The following EXT1 variants were observed in gnomAD, a reference collection of about 807,000 sequenced individuals.
EXT1 encodes the protein exostosin-1.
A neutral mutation model predicts 82.5 loss-of-function variants in EXT1; 20 were observed. That is an observed-to-expected ratio of 0.24 (90% CI 0.17 to 0.35). The LOEUF (loss-of-function observed/expected upper bound fraction) is 0.35. EXT1 is among the 10% of genes least tolerant of loss of function. The pLI is 1.00. For missense variants in EXT1, 757 were observed against 936.5 expected, an observed-to-expected ratio of 0.81 and a Z score of 2.50; for synonymous variants, 348 against 350.8, an observed-to-expected ratio of 0.99 and a Z score of 0.09.
chr8:117,830,105 C>A, intron 4 of EXT1, 125 bp downstream of exon 4: 1 of 1,226,076 alleles, frequency 8.2e-7, no homozygotes, highest in Non-Finnish European at 1.2e-6. Context: ...ACCAATATAT[C>A]CAAGTACAGG....
chr8:117,988,645 C>T (rs1815371977), intron 1 of EXT1, among the ~76,000 whole-genome samples: 2 of 152,158 alleles, frequency 1.3e-5, no homozygotes, highest in Admixed American at 1.3e-4. Context: ...CAGCACCCTC[C>T]CAACCCCAAT....
At chr8:118,002,380 C>CTA (rs1168793897) in intron 1 of EXT1, among the ~76,000 whole-genome samples, 1 of 60,618 alleles carries the variant, frequency 1.6e-5, no homozygotes, top group African/African-American at 9.8e-5. Flanking sequence ...GACTCCGTCT[C>CTA]CAAAAAAAAA....
chr8:117,961,721 C>T (rs573874403), intron 1 of EXT1, among the ~76,000 whole-genome samples: 9 of 152,198 alleles, frequency 5.9e-5, no homozygotes, highest in African/African-American at 1.2e-4. Context: ...TGCACCCTAA[C>T]GATGGATCTT....
chr8:117,811,919 T>G (rs2129716986), intron 8 of EXT1, among the ~76,000 whole-genome samples: 1 of 152,304 alleles, frequency 6.6e-6, no homozygotes, highest in South Asian at 2.1e-4. Context: ...AGGCCACATC[T>G]GTGGAATTTC....
chr8:117,918,471 C>G (rs1340818358), intron 1 of EXT1, among the ~76,000 whole-genome samples: 1 of 152,226 alleles, frequency 6.6e-6, no homozygotes, highest in Non-Finnish European at 1.5e-5. Context: ...GCATTTGCTG[C>G]TTCTTCCTTC....
chr8:118,079,018 C>T (rs1264363928), intron 1 of EXT1, among the ~76,000 whole-genome samples: 1 of 152,150 alleles, frequency 6.6e-6, no homozygotes, highest in East Asian at 1.9e-4. Context: ...CCTGTTTTTG[C>T]TGTAAAAGTT....
At chr8:117,811,237 A>G (rs939383303) in intron 8 of EXT1, among the ~76,000 whole-genome samples, 2 of 152,220 alleles carry the variant, frequency 1.3e-5, no homozygotes, top group African/African-American at 4.8e-5. Flanking sequence ...CAGGACAAAG[A>G]AATCTCTCAA....
At chr8:117,891,895 C>T (rs917009798) in intron 1 of EXT1, among the ~76,000 whole-genome samples, 2 of 150,644 alleles carry the variant, frequency 1.3e-5, no homozygotes, top group Admixed American at 1.3e-4. Flanking sequence ...CTACCTCTGC[C>T]TCCCGGGTTC....
intron 4 of EXT1, among the ~76,000 whole-genome samples, chr8:117,826,077 A>T (rs148038750): frequency 0.01 from 1,590 of 152,266 alleles, 18 homozygotes; most frequent in Admixed American, 0.05. Flanking sequence ...GTTAGTTCTC[A>T]ATTTTCACAA....
At chr8:117,872,832 A>T (rs1468114898) in intron 1 of EXT1, among the ~76,000 whole-genome samples, 4 of 152,070 alleles carry the variant, frequency 2.6e-5, no homozygotes, top group East Asian at 1.9e-4. Flanking sequence ...GAGAAAAAAA[A>T]AAAAAAAAGA....
intron 1 of EXT1, among the ~76,000 whole-genome samples, chr8:117,859,817 T>C (rs866037359): frequency 2.0e-5 from 3 of 152,176 alleles, no homozygotes; most frequent in Admixed American, 6.5e-5. Flanking sequence ...TGTATGTATA[T>C]ACCATGGGAT....
intron 1 of EXT1, among the ~76,000 whole-genome samples, chr8:118,003,021 GTA>G (rs113411522): frequency 6.6e-6 from 1 of 150,700 alleles, no homozygotes. Context: ...TTTTATATGT[GTA>G]TATATATATA....
chr8:118,087,939 CA>C (rs10706033), intron 1 of EXT1, among the ~76,000 whole-genome samples: 21,210 of 84,010 alleles, frequency 0.25, 1,428 homozygotes, highest in East Asian at 0.44. Flanking sequence ...CGTTTCAGGG[CA>C]AAAAAAAAAA....
chr8:118,079,968 G>A (rs1817281831), intron 1 of EXT1, among the ~76,000 whole-genome samples: 1 of 152,126 alleles, frequency 6.6e-6, no homozygotes, highest in Non-Finnish European at 1.5e-5. Context: ...CCAGATTTTG[G>A]CATACAGTGT....
intron 1 of EXT1, among the ~76,000 whole-genome samples, chr8:117,910,236 G>A (rs555660666): frequency 1.9e-4 from 29 of 152,324 alleles, no homozygotes; most frequent in East Asian, 5.8e-4. Context: ...TAAACCACAC[G>A]AGTAAGGGCA....
At chr8:117,837,035 G>T in intron 2 of EXT1, 73 bp downstream of exon 2, 1 of 977,740 alleles carries the variant, frequency 1.0e-6, no homozygotes, top group Non-Finnish European at 1.7e-6. Flanking sequence ...CCCAGGAGAG[G>T]TGATAATGTT....
chr8:117,982,054 T>A (rs893807135), intron 1 of EXT1, among the ~76,000 whole-genome samples: 5 of 152,176 alleles, frequency 3.3e-5, no homozygotes, highest in Non-Finnish European at 2.9e-5. Flanking sequence ...TAAATTCCCA[T>A]AAACACAGCA....
At chr8:117,818,899 A>C (rs989580089) in intron 6 of EXT1, among the ~76,000 whole-genome samples, 4 of 152,216 alleles carry the variant, frequency 2.6e-5, no homozygotes, top group Non-Finnish European at 4.4e-5. Context: ...AACTCTGATC[A>C]AATTAAATAA....
At chr8:117,872,006 C>A (rs538550453) in intron 1 of EXT1, among the ~76,000 whole-genome samples, 22 of 151,822 alleles carry the variant, frequency 1.4e-4, no homozygotes, top group Non-Finnish European at 3.1e-4. Flanking sequence ...GTGGCGTGTA[C>A]CTGTAGTCCC....
Sources: allele counts gnomAD v4.1 joint callset (sites outside exome capture counted in the v4.1 genomes callset), GRCh38; gene constraint gnomAD v4.1.1; transcripts MANE v1.5; gene names NCBI Gene and HGNC (gene_info 2026-07-23, HGNC 2026-07-21).